The following GRB10 variants were observed in gnomAD, a reference collection of about 807,000 sequenced individuals.
The protein encoded by GRB10 is growth factor receptor bound protein 10.
In GRB10, 20 loss-of-function variants were observed where a neutral mutation model predicts 80.9. The ratio of observed to expected loss-of-function variants is 0.25; its 90% CI spans 0.17 to 0.36. The LOEUF is 0.36. GRB10 is among the 10% of genes least tolerant of loss of function. The pLI is 1.00. For missense variants in GRB10, 548 were observed against 747.7 expected (o/e 0.73, Z 3.12); for synonymous variants, 291 against 291.5 (o/e 1.00, Z 0.02).
chr7:50,643,226 G>T (rs2056603955), intron 7 of GRB10, among the ~76,000 whole-genome samples: 1 of 151,946 alleles, frequency 6.6e-6, no homozygotes, highest in African/African-American at 2.4e-5. Flanking sequence ...ACATGGAGGG[G>T]GTCCTGGAAC....
At chr7:50,626,406 G>C (rs1374722520) in intron 8 of GRB10, among the ~76,000 whole-genome samples, 4 of 152,170 alleles carry the variant, frequency 2.6e-5, no homozygotes, top group African/African-American at 9.7e-5. Flanking sequence ...TTCTTCCCAT[G>C]AGCTGAGGAG....
intron 2 of GRB10, among the ~76,000 whole-genome samples, chr7:50,767,417 C>T (rs1033201101): frequency 3.9e-5 from 6 of 152,076 alleles, no homozygotes; most frequent in Non-Finnish European, 7.3e-5. Context: ...CAAATGCAGA[C>T]GACTTCCATC....
At chr7:50,627,353 G>GA (rs1262751320) in intron 7 of GRB10, among the ~76,000 whole-genome samples, 2 of 152,174 alleles carry the variant, frequency 1.3e-5, no homozygotes, top group Non-Finnish European at 2.9e-5. Flanking sequence ...TGAACCAATT[G>GA]AAAAAACAAG....
chr7:50,743,475 G>T (rs571686726), intron 3 of GRB10, among the ~76,000 whole-genome samples: 1 of 152,228 alleles, frequency 6.6e-6, no homozygotes, highest in Non-Finnish European at 1.5e-5. Context: ...CTTTACGGTG[G>T]CCACATCCCT....
intron 4 of GRB10, among the ~76,000 whole-genome samples, chr7:50,728,710 G>A (rs145347875): frequency 0.084 from 12,781 of 152,112 alleles, 920 homozygotes; most frequent in Admixed American, 0.19. Context: ...TTGCTCTGTC[G>A]CCCAGGCTGG....
chr7:50,663,187 G>A (rs1242659427), intron 7 of GRB10, among the ~76,000 whole-genome samples: 1 of 152,186 alleles, frequency 6.6e-6, no homozygotes, highest in Admixed American at 6.5e-5. Flanking sequence ...GTGAGATGCT[G>A]CTGGGACATT....
Position 50,746,504 on chromosome 7 carries a change from C to T in GRB10, c.-47+9383G>A, listed in dbSNP as rs74696904. ...TAATGAAATAAGGGAGGAGCGGGCA[C>T]CCTCTGGTGACACTGCCAGACCCAG... is the stretch of plus-strand genomic sequence containing the variant. On this transcript the variant is annotated intron_variant, in intron 3 of 18. Transcript: ENST00000401949. 1.2e-3 allele frequency among the ~76,000 whole-genome samples: 188 copies of T among 152,160 alleles called. 3 individuals carry two copies. In the East Asian group the frequency reaches 0.031, roughly 25 times the overall value.
At chr7:50,733,113 T>G (rs978136013) in intron 3 of GRB10, among the ~76,000 whole-genome samples, 2 of 152,148 alleles carry the variant, frequency 1.3e-5, no homozygotes, top group African/African-American at 4.8e-5. Context: ...AATGAGATGA[T>G]GAGGGTGGGC....
At chr7:50,638,142 C>T (rs1388224366) in intron 7 of GRB10, among the ~76,000 whole-genome samples, 2 of 152,148 alleles carry the variant, frequency 1.3e-5, no homozygotes, top group African/African-American at 4.8e-5. Flanking sequence ...GGATTAAAGA[C>T]TTAAATGTAA....
chr7:50,637,183 T>C (rs1481521394), intron 7 of GRB10, among the ~76,000 whole-genome samples: 2 of 152,072 alleles, frequency 1.3e-5, no homozygotes, highest in East Asian at 1.9e-4. Context: ...CACTATACTG[T>C]CCAGGCTGGT....
intron 1 of GRB10, among the ~76,000 whole-genome samples, chr7:50,788,566 G>A (rs2078789914): frequency 6.6e-6 from 1 of 152,172 alleles, no homozygotes. Flanking sequence ...ATTAGCTCTA[G>A]TGACCTTAAT....
rs892873418 is a variant in GRB10, at chr7:50,782,892, A to T, written c.-795T>A. The T allele has an allele frequency of 6.6e-6, 1 of 152,080 alleles. No homozygotes were observed. The highest frequency in any genetic ancestry group is 1.5e-5 in the Non-Finnish European group (1 of 68,042). The allele number at this position is 152,080 out of a possible 1,614,324, so 9.4% of individuals were successfully genotyped here. On this transcript the variant is annotated 5_prime_UTR_variant, in exon 1 of 19. Coordinates refer to ENST00000401949, the MANE Select transcript of GRB10 (RefSeq NM_001350814.2). The surrounding 1 kb of genome is among the most constrained non-coding windows in gnomAD (Gnocchi z 6.6). ...CGCCCGGTCCTGGAGCACAACAGGA[A>T]TCCCAGGACCAAACCCATGTGACGC...
rs146082790 is a variant in GRB10, at chr7:50,601,546, T to C, written c.1544+2452A>G. The stretch of plus-strand genomic sequence containing the variant: ...TAAAAGGACTGTAAAGAAATCGCAA[T>C]TCAGGTGTCTTACTGAATAAATATC... On this transcript the variant is annotated intron_variant, in intron 17 of 18. Transcript: ENST00000401949. Among the ~76,000 whole-genome samples, 87 of 152,332 alleles carry C rather than the reference T, an allele frequency of 5.7e-4. 1 individual carries two copies. Among genetic ancestry groups the C allele is most frequent in the Non-Finnish European group, 9.6e-4 (65 of 68,024 alleles).
chr7:50,609,574 G>A (rs1039511970), intron 13 of GRB10, among the ~76,000 whole-genome samples: 1 of 152,164 alleles, frequency 6.6e-6, no homozygotes, highest in Non-Finnish European at 1.5e-5. Context: ...TGTTGCAAAG[G>A]TTTAATGCTG....
At chr7:50,718,134 C>T (rs1563578470) in intron 4 of GRB10, among the ~76,000 whole-genome samples, 1 of 152,184 alleles carries the variant, frequency 6.6e-6, no homozygotes, top group Admixed American at 6.5e-5. Context: ...CGGAGGCTTG[C>T]GGAACTGTGT....
At chr7:50,731,180 T>C (rs1261076461) in intron 4 of GRB10, among the ~76,000 whole-genome samples, 4 of 152,182 alleles carry the variant, frequency 2.6e-5, no homozygotes, top group Admixed American at 2.6e-4. Context: ...AACTTTGCAG[T>C]TCGCTAAGGT....
chr7:50,615,145 C>T (rs2050350246), intron 11 of GRB10, among the ~76,000 whole-genome samples: 1 of 152,140 alleles, frequency 6.6e-6, no homozygotes. Context: ...AATCAAAGCC[C>T]CATGACCGGA....
At chr7:50,645,062 A>G (rs2529423) in intron 7 of GRB10, among the ~76,000 whole-genome samples, 137,547 of 152,242 alleles carry the variant, frequency 0.9, 62,347 homozygotes, top group African/African-American at 0.97. Flanking sequence ...TGGAGCTATC[A>G]TTTAGGGCTA....
At chr7:50,627,952 C>T (rs768507371) in intron 7 of GRB10, among the ~76,000 whole-genome samples, 1 of 152,192 alleles carries the variant, frequency 6.6e-6, no homozygotes, top group African/African-American at 2.4e-5. Context: ...GGCTCCCAGG[C>T]TGCCTTGCAC....
Sources: gnomAD v4.1 joint callset for allele counts (sites outside exome capture counted in the v4.1 genomes callset) on GRCh38, gnomAD v4.1.1 for gene constraint, Gnocchi (gnomAD v3.1) non-coding constraint, MANE v1.5 for transcripts, NCBI Gene and HGNC (gene_info 2026-07-23, HGNC 2026-07-21) for gene names.